The following CSNK1G1 variants were observed in gnomAD, a reference collection of about 807,000 sequenced individuals.
The protein encoded by CSNK1G1 is casein kinase 1 gamma 1.
In CSNK1G1, 22 loss-of-function variants were observed where a neutral mutation model predicts 59.6. That is an observed-to-expected ratio of 0.37 (90% CI 0.26 to 0.53). CSNK1G1 has a LOEUF of 0.53. Ranked by LOEUF, CSNK1G1 falls within the 20% of genes least tolerant of loss-of-function variation. The probability of loss-of-function intolerance (pLI) is 0.89; values close to 1 mark genes in which losing one functional copy is unlikely to be tolerated. For synonymous variants in CSNK1G1, 179 were observed against 177.1 expected (o/e 1.01, Z -0.08); for missense variants, 384 against 519.5 (o/e 0.74, Z 2.54).
At chr15:64,183,211 T>C (rs150150789) in intron 10 of CSNK1G1, among the ~76,000 whole-genome samples, 1,884 of 152,188 alleles carry the variant, frequency 0.012, 28 homozygotes, top group African/African-American at 0.044. Flanking sequence ...CTTCCTAAAT[T>C]CTCCTCGCTA....
At chr15:64,311,844 C>T (rs1896014918) in intron 1 of CSNK1G1, among the ~76,000 whole-genome samples, 1 of 152,124 alleles carries the variant, frequency 6.6e-6, no homozygotes, top group Non-Finnish European at 1.5e-5. Flanking sequence ...CACACCACTG[C>T]ACTCCAGCCT....
At chr15:64,191,757 C>CT (rs2081974770) in intron 10 of CSNK1G1, among the ~76,000 whole-genome samples, 1 of 152,308 alleles carries the variant, frequency 6.6e-6, no homozygotes, top group East Asian at 1.9e-4. Flanking sequence ...GAAAAACACA[C>CT]TATACCATAC....
In CSNK1G1 at chr15:64,277,803, A is replaced by G. The variant is rs892845655; in HGVS notation, c.182-18562T>C. Among the ~76,000 whole-genome samples the G allele has an allele frequency of 5.5e-3, 744 of 134,356 alleles. 29 individuals carry two copies. Among genetic ancestry groups the G allele is most frequent in the African/African-American group, 0.019 (678 of 35,532 alleles). 88.1% of individuals were successfully genotyped at this position (134,356 alleles called of 152,430 possible). ...ATAATATATTAATATTGATATATTTAATATATTAATATTGATATATTTAAT... is the reference window on the plus strand; with the variant it reads ...ATAATATATTAATATTGATATATTTGATATATTAATATTGATATATTTAAT... On this transcript the variant is annotated intron_variant, in intron 2 of 11. Transcript: ENST00000303052.
intron 6 of CSNK1G1, among the ~76,000 whole-genome samples, chr15:64,211,771 G>T (rs1054863477): frequency 6.6e-6 from 1 of 152,124 alleles, no homozygotes; most frequent in African/African-American, 2.4e-5. Context: ...AAGAAAGAGC[G>T]CCAGGATTTG....
intron 2 of CSNK1G1, among the ~76,000 whole-genome samples, chr15:64,278,377 C>CGTGTGTGTGTGTGTGT (rs56064136): frequency 5.4e-5 from 6 of 111,486 alleles, no homozygotes; most frequent in Non-Finnish European, 7.2e-5. Context: ...CATGTATGTG[C>CGTGTGTGTGTGTGTGT]GTGTGTGTGT....
rs370087823 is a variant in CSNK1G1 at position 64,349,312 on chromosome 15, C to T, written c.-225+6676G>A. Among the ~76,000 whole-genome samples the T allele has an allele frequency of 3.9e-4, 60 of 152,180 alleles. No individual in the cohort carries two copies. In the East Asian group the frequency reaches 7.7e-3, roughly 20 times the overall value. ...TTATGTAGCATTTTGATGGAGACAT[C>T]AAACTCGGCACCCAGGCTTCTCCCT... On this transcript the variant is annotated intron_variant, in intron 1 of 11. Transcript: ENST00000303052.
intron 6 of CSNK1G1, among the ~76,000 whole-genome samples, chr15:64,208,565 G>T (rs112334878): frequency 2.2e-4 from 34 of 152,162 alleles, no homozygotes; most frequent in Non-Finnish European, 4.4e-4. Context: ...CAGAGTCCTT[G>T]CTCTGTTTCC....
intron 2 of CSNK1G1, among the ~76,000 whole-genome samples, chr15:64,281,734 G>A (rs757123486): frequency 6.6e-6 from 1 of 151,808 alleles, no homozygotes; most frequent in African/African-American, 2.4e-5. Context: ...CTGCTACTCA[G>A]GAGGCTGAGG....
intron 10 of CSNK1G1, among the ~76,000 whole-genome samples, chr15:64,199,907 T>C (rs1489378557): frequency 6.6e-6 from 1 of 151,892 alleles, no homozygotes; most frequent in East Asian, 1.9e-4. Flanking sequence ...TCTAAGAGAA[T>C]GGAGGTAAAA....
chr15:64,249,151 T>A (rs1891935022), intron 4 of CSNK1G1, among the ~76,000 whole-genome samples: 1 of 152,018 alleles, frequency 6.6e-6, no homozygotes, highest in African/African-American at 2.4e-5. Context: ...TATAAATAAA[T>A]GGCAAACTTG....
intron 3 of CSNK1G1, among the ~76,000 whole-genome samples, chr15:64,252,335 C>T (rs771537230): frequency 1.3e-5 from 2 of 152,048 alleles, no homozygotes; most frequent in South Asian, 2.1e-4. Flanking sequence ...CTTAGCCTCC[C>T]GAGTGGCTGG....
In CSNK1G1 at chr15:64,229,369, G is replaced by A. The variant is rs372308291; in HGVS notation, c.293-12656C>T. On this transcript the variant is annotated intron_variant, in intron 4 of 11. Transcript: ENST00000303052. Reference sequence around the variant, plus strand: ...GCAACCCATCTCCCACTGACATCCCGAGGATGCCACAAGCCCAATTACTCA... The same window carrying A: ...GCAACCCATCTCCCACTGACATCCCAAGGATGCCACAAGCCCAATTACTCA... Among the ~76,000 whole-genome samples, 8 of 152,254 alleles carry A rather than the reference G, an allele frequency of 5.3e-5. No individual in the cohort carries two copies. In the East Asian group the frequency reaches 5.8e-4, roughly 11 times the overall value.
chr15:64,291,730 A>G (rs1894752411), intron 2 of CSNK1G1, among the ~76,000 whole-genome samples: 1 of 152,272 alleles, frequency 6.6e-6, no homozygotes, highest in South Asian at 2.1e-4. Context: ...TATAAAACAG[A>G]TAACATGGAG....
intron 1 of CSNK1G1, among the ~76,000 whole-genome samples, chr15:64,323,846 C>G (rs938848962): frequency 3.9e-5 from 6 of 152,154 alleles, no homozygotes; most frequent in African/African-American, 1.4e-4. Context: ...CTTTTCCCAG[C>G]TGATTTTACT....
chr15:64,196,042 C>T (rs369646204), intron 10 of CSNK1G1, among the ~76,000 whole-genome samples: 14 of 152,194 alleles, frequency 9.2e-5, no homozygotes, highest in South Asian at 6.2e-4. Context: ...CCAGGAGGCC[C>T]TGTCTCTACA....
intron 2 of CSNK1G1, among the ~76,000 whole-genome samples, chr15:64,291,141 T>C (rs1448642996): frequency 6.6e-6 from 1 of 152,250 alleles, no homozygotes; most frequent in Non-Finnish European, 1.5e-5. Flanking sequence ...GTTACAAATA[T>C]ATATCAATGT....
chr15:64,343,107 G>A (rs984625154), intron 1 of CSNK1G1, among the ~76,000 whole-genome samples: 1 of 151,942 alleles, frequency 6.6e-6, no homozygotes, highest in African/African-American at 2.4e-5. Flanking sequence ...AGCTATTCGG[G>A]AGGCCAAGGC....
intron 3 of CSNK1G1, among the ~76,000 whole-genome samples, chr15:64,254,155 T>TA (rs911448146): frequency 5.0e-5 from 7 of 140,604 alleles, no homozygotes; most frequent in Non-Finnish European, 9.2e-5. Flanking sequence ...AAACAAACAA[T>TA]AAAAAAAATT....
chr15:64,172,016 C>T lies in CSNK1G1; in HGVS notation c.1215-31G>A, dbSNP rs115200251. ...GCACAAGGAACATTGCAAGTCAGTG[C>T]GGGAGGCCTGCAGCTTCCAGCAGAC... On this transcript the variant is annotated intron_variant, in intron 11 of 11. Transcript: ENST00000303052. 4.3e-5 allele frequency: 69 copies of T among 1,603,292 alleles called. 1 individual carries two copies. The African/African-American group carries it at 5.6e-4, about 13-fold the overall frequency.
Sources: allele counts gnomAD v4.1 joint callset (sites outside exome capture counted in the v4.1 genomes callset), GRCh38; gene constraint gnomAD v4.1.1; transcripts MANE v1.5; gene names NCBI Gene and HGNC (gene_info 2026-07-23, HGNC 2026-07-21).